STX11: variants seen among roughly 807,000 people sequenced by gnomAD.
The protein encoded by STX11 is syntaxin 11.
STX11 carries 21 observed loss-of-function variants against 19.9 expected under a neutral mutation model. The observed-to-expected ratio is 1.06, with a 90% CI of 0.75 to 1.52. The LOEUF is 1.52. Ranked by LOEUF, STX11 falls within the 40% of genes most tolerant of loss-of-function variation. The pLI is 0.00. For synonymous variants in STX11, 193 were observed against 174.4 expected (o/e 1.11, Z -0.84); for missense variants, 438 against 405.9 (o/e 1.08, Z -0.68).
Position 144,187,526 on chromosome 6 carries a change from C to G in STX11, c.*35C>G. The G allele has an allele frequency of 6.2e-7, 1 of 1,611,454 alleles. No individual in the cohort carries two copies. On this transcript the variant is annotated 3_prime_UTR_variant, in exon 2 of 2. Transcript: ENST00000367568. This position sits in a 1 kb window ranked among gnomAD's most constrained non-coding sequence, Gnocchi z 5.6. ...CCGGGCCGCCACCGCCCATCCCAGACCATGGAGCGCGCTGGGAAGGACGCA... is the reference window on the plus strand; with the variant it reads ...CCGGGCCGCCACCGCCCATCCCAGAGCATGGAGCGCGCTGGGAAGGACGCA...
At position 144,187,477 on chromosome 6, in the gene STX11, C is replaced by G; in HGVS notation, c.850C>G (p.Pro284Ala). The G allele has an allele frequency of 6.2e-7, 1 of 1,612,570 alleles. No homozygotes were observed. The highest frequency in any genetic ancestry group is 1.7e-5 in the Admixed American group (1 of 60,032). The change falls in exon 2 of 2, where the codon CCC becomes GCC. Residue 284 changes from proline (P) to alanine (A), a missense_variant. Physicochemically the swap from Pro to Ala is conservative, Grantham distance 27. Transcript: ENST00000367568. This position sits in a 1 kb window ranked among gnomAD's most constrained non-coding sequence, Gnocchi z 5.6. Reference sequence around the variant, plus strand: ...CCGGACCCTCTGCTGCTTCTGCTGTCCCTGCCTCAAGTAGCAGGCCGGCCC... The same window carrying G: ...CCGGACCCTCTGCTGCTTCTGCTGTGCCTGCCTCAAGTAGCAGGCCGGCCC... ...PCRTLCCFCC[P>A]CLK is the part of the protein sequence containing the mutation.
At position 144,169,704 on chromosome 6, in the gene STX11, C is replaced by T. The variant is rs1263603893; in HGVS notation, c.-5-16919C>T. On this transcript the variant is annotated intron_variant, in intron 1 of 1. Coordinates refer to ENST00000367568, the MANE Select transcript of STX11 (RefSeq NM_003764.4). This position sits in a 1 kb window ranked among gnomAD's most constrained non-coding sequence, Gnocchi z 5.2. ...TCCTTCCTTCTTTCTTTCCTTCCTA[C>T]CTATGAGGTCTTGCTCTGTCACCCA... is the stretch of plus-strand genomic sequence containing the variant. 7.1e-6 allele frequency among the ~76,000 whole-genome samples: 1 copy of T among 140,372 alleles called. No homozygotes were observed. The highest frequency in any genetic ancestry group is 2.5e-4 in the East Asian group (1 of 3,960). 92.1% of individuals were successfully genotyped at this position (140,372 alleles called of 152,430 possible).
At position 144,165,252 on chromosome 6, in the gene STX11, T is replaced by C. The variant is rs536008122; in HGVS notation, c.-6+14549T>C. ...GGCAGATCACCTGAGGTTGGGAGTT[T>C]GAGACCAACCTGACCAACATGGAGA... On this transcript the variant is annotated intron_variant, in intron 1 of 1. Coordinates refer to ENST00000367568, the MANE Select transcript of STX11 (RefSeq NM_003764.4). The surrounding 1 kb of genome is among the most constrained non-coding windows in gnomAD (Gnocchi z 5.8). 1.9e-3 allele frequency among the ~76,000 whole-genome samples: 291 copies of C among 152,026 alleles called. No individual in the cohort carries two copies. Among genetic ancestry groups the C allele is most frequent in the African/African-American group, 6.8e-3 (284 of 41,524 alleles).
chr6:144,141,583 T>C, the STX11 span, among the ~76,000 whole-genome samples: 3 of 152,338 alleles, frequency 2.0e-5, no homozygotes, highest in South Asian at 6.2e-4. Flanking sequence ...TACCTTAAGT[T>C]CATATTGCCC....
chr6:144,161,928 A>G (rs992011874), intron 1 of STX11, among the ~76,000 whole-genome samples: 13 of 152,112 alleles, frequency 8.5e-5, no homozygotes, highest in African/African-American at 1.2e-4. Flanking sequence ...CTTTATAGAA[A>G]AAGATCTTCT....
rs11965297 is a variant in STX11 at position 144,152,609 on chromosome 6, G to C, written c.-6+1906G>C. Among the ~76,000 whole-genome samples the C allele has an allele frequency of 6.6e-6, 1 of 152,126 alleles. No individual in the cohort carries two copies. Among genetic ancestry groups the C allele is most frequent in the Non-Finnish European group, 1.5e-5 (1 of 68,012 alleles). On this transcript the variant is annotated intron_variant, in intron 1 of 1. Transcript: ENST00000367568. This position sits in a 1 kb window ranked among gnomAD's most constrained non-coding sequence, Gnocchi z 4.9. ...TTAACAGCATGACTTTTAGGAAATG[G>C]TGTGACTAATTAATAGGTTGTTTTG...
At chr6:144,150,467 C>T, upstream of STX11, 1 of 981,094 alleles carries the variant, frequency 1.0e-6, no homozygotes. Flanking sequence ...GGGGCCTGGT[C>T]CCCAGCTGTG....
Position 144,162,281 on chromosome 6 carries a change from T to G in STX11, c.-6+11578T>G, listed in dbSNP as rs1370294388. ...TTAGAAATTTATTTGATGGTGTAAC[T>G]TCGGTTGCTTCTTGGACTTCTCCAT... On this transcript the variant is annotated intron_variant, in intron 1 of 1. Transcript: ENST00000367568. The surrounding 1 kb of genome is among the most constrained non-coding windows in gnomAD (Gnocchi z 4.6). Among the ~76,000 whole-genome samples the G allele has an allele frequency of 6.6e-6, 1 of 152,232 alleles. No individual in the cohort carries two copies. Among genetic ancestry groups the G allele is most frequent in the Non-Finnish European group, 1.5e-5 (1 of 68,034 alleles).
In STX11 at chr6:144,187,033, A is replaced by T. The variant is rs768684835; in HGVS notation, c.406A>T (p.Thr136Ser). The T allele has an allele frequency of 1.2e-6, 2 of 1,612,618 alleles. No individual in the cohort carries two copies. Among genetic ancestry groups the T allele is most frequent in the Non-Finnish European group, 1.7e-6 (2 of 1,179,918 alleles). ...TTCGCGGGCGCAGTACAACGCGCTC[A>T]CCCTCACCTTCCAGCGCGCCATGCA... ...RISRAQYNAL[T>S]LTFQRAMHDY... Residue 136 changes from threonine to serine, a missense_variant, in exon 2 of 2, where the codon ACC becomes TCC. Physicochemically the swap from Thr to Ser is moderately conservative, Grantham distance 58. Coordinates refer to ENST00000367568, the MANE Select transcript of STX11 (RefSeq NM_003764.4). The surrounding 1 kb of genome is among the most constrained non-coding windows in gnomAD (Gnocchi z 5.6).
Position 144,186,637 on chromosome 6 carries a change from C to G in STX11, c.10C>G (p.Arg4Gly). ...TCTACTTGCAGGCAAAATGAAAGAC[C>G]GGCTAGCAGAACTTCTGGACTTGTC... Reference protein sequence around the residue: MKDRLAELLDLSKQ... With the variant: MKDGLAELLDLSKQ... Residue 4 changes from arginine to glycine, a missense_variant, in exon 2 of 2, where the codon CGG (arginine) becomes GGG (glycine). Physicochemically the swap from Arg to Gly is moderately radical, Grantham distance 125. Transcript: ENST00000367568. 3 of 1,614,038 alleles carry G rather than the reference C, an allele frequency of 1.9e-6. No homozygotes were observed. The highest frequency in any genetic ancestry group is 2.5e-6 in the Non-Finnish European group (3 of 1,180,034).
At chr6:144,158,219 C>T (rs1801228161) in intron 1 of STX11, among the ~76,000 whole-genome samples, 1 of 152,194 alleles carries the variant, frequency 6.6e-6, no homozygotes, top group African/African-American at 2.4e-5. Flanking sequence ...AACCGTGGGA[C>T]AGCAGAGGAG....
Position 144,180,295 on chromosome 6 carries a change from C to T in STX11, c.-5-6328C>T, listed in dbSNP as rs1241385357. On this transcript the variant is annotated intron_variant, in intron 1 of 1. Coordinates refer to ENST00000367568, the MANE Select transcript of STX11 (RefSeq NM_003764.4). The surrounding 1 kb of genome is among the most constrained non-coding windows in gnomAD (Gnocchi z 5.3). ...TCACTTTAAATAATTCCCTTAGAGG[C>T]ATGTTGGGAACAATGACTTTCACAA... Among the ~76,000 whole-genome samples, 1 of 152,280 alleles carries T rather than the reference C, an allele frequency of 6.6e-6. No individual in the cohort carries two copies. Among genetic ancestry groups the T allele is most frequent in the South Asian group, 2.1e-4 (1 of 4,830 alleles).
In STX11 at chr6:144,162,317, G is replaced by A. The variant is rs1443137412; in HGVS notation, c.-6+11614G>A. Among the ~76,000 whole-genome samples, 1 of 152,120 alleles carries A rather than the reference G, an allele frequency of 6.6e-6. No homozygotes were observed. Among genetic ancestry groups the A allele is most frequent in the Non-Finnish European group, 1.5e-5 (1 of 68,018 alleles). On this transcript the variant is annotated intron_variant, in intron 1 of 1. Coordinates refer to ENST00000367568, the MANE Select transcript of STX11 (RefSeq NM_003764.4). The surrounding 1 kb of genome is among the most constrained non-coding windows in gnomAD (Gnocchi z 4.6). ...CTTGGACTTCTCCATTGTTCACTGA[G>A]GATTTAACTTTCTTAAATCTACTAG...
chr6:144,157,992 C>CA (rs60368775), intron 1 of STX11, among the ~76,000 whole-genome samples: 4,782 of 142,228 alleles, frequency 0.034, 252 homozygotes, highest in African/African-American at 0.11. Flanking sequence ...AGGGGAAAAA[C>CA]AAAAAAAAAA....
In STX11 at chr6:144,165,458, A is replaced by C. The variant is rs1801454435; in HGVS notation, c.-6+14755A>C. Among the ~76,000 whole-genome samples the C allele has an allele frequency of 6.6e-6, 1 of 151,876 alleles. No individual in the cohort carries two copies. The highest frequency in any genetic ancestry group is 2.4e-5 in the African/African-American group (1 of 41,338). On this transcript the variant is annotated intron_variant, in intron 1 of 1. Coordinates refer to ENST00000367568, the MANE Select transcript of STX11 (RefSeq NM_003764.4). The surrounding 1 kb of genome is among the most constrained non-coding windows in gnomAD (Gnocchi z 5.8). ...CAACAAGAACGAAACTCTGTCTCAA[A>C]AAAAAAAAGAAAAACAAAAAAGAAA...
In STX11 at chr6:144,159,087, G is replaced by A. The variant is rs908605091; in HGVS notation, c.-6+8384G>A. ...CTAACAGCCTGTAAGAGCAAGAACAGTCTTTTTCATTTTTGTGTATGAGAG... is the reference window on the plus strand; with the variant it reads ...CTAACAGCCTGTAAGAGCAAGAACAATCTTTTTCATTTTTGTGTATGAGAG... On this transcript the variant is annotated intron_variant, in intron 1 of 1. Transcript: ENST00000367568. This position sits in a 1 kb window ranked among gnomAD's most constrained non-coding sequence, Gnocchi z 4.3. Among the ~76,000 whole-genome samples, 5 of 152,186 alleles carry A rather than the reference G, an allele frequency of 3.3e-5. No homozygotes were observed. The highest frequency in any genetic ancestry group is 3.4e-3 in the Middle Eastern group (1 of 294).
chr6:144,151,148 G>A lies in STX11; in HGVS notation c.-6+445G>A, dbSNP rs1426003206. 1.3e-6 allele frequency: 1 copy of A among 761,378 alleles called. No individual in the cohort carries two copies. Among genetic ancestry groups the A allele is most frequent in the Non-Finnish European group, 1.6e-6 (1 of 625,710 alleles). 47.2% of individuals were successfully genotyped at this position (761,378 alleles called of 1,614,324 possible). Reference sequence around the variant, plus strand: ...ATGGGTACTTCTTGACTTGAACTTGGCGGTGTCACTCAGTAGCCAGGAAAG... The same window carrying A: ...ATGGGTACTTCTTGACTTGAACTTGACGGTGTCACTCAGTAGCCAGGAAAG... On this transcript the variant is annotated intron_variant, in intron 1 of 1. Coordinates refer to ENST00000367568, the MANE Select transcript of STX11 (RefSeq NM_003764.4). This position sits in a 1 kb window ranked among gnomAD's most constrained non-coding sequence, Gnocchi z 4.6.
At chr6:144,149,038 A>G (rs1360480152), upstream of STX11, among the ~76,000 whole-genome samples, 1 of 152,222 alleles carries the variant, frequency 6.6e-6, no homozygotes, top group Non-Finnish European at 1.5e-5. The surrounding 1 kb of genome is among the most constrained non-coding windows in gnomAD (Gnocchi z 5.1). Flanking sequence ...CCACACATGT[A>G]ATATGCCACA....
Position 144,188,508 on chromosome 6 carries a change from T to C in STX11, c.*1017T>C, listed in dbSNP as rs536088227. 9 of 221,938 alleles carry C rather than the reference T, an allele frequency of 4.1e-5. No homozygotes were observed. Among genetic ancestry groups the C allele is most frequent in the Admixed American group, 3.0e-4 (5 of 16,904 alleles). The allele number at this position is 221,938 out of a possible 1,614,324, so 13.7% of individuals were successfully genotyped here. On this transcript the variant is annotated 3_prime_UTR_variant, in exon 2 of 2. Transcript: ENST00000367568. Reference sequence around the variant, plus strand: ...GCGGTAGACATATGGCGGTAGAAAATGTATACGGAGCTAGAGACAACTAAC... The same window carrying C: ...GCGGTAGACATATGGCGGTAGAAAACGTATACGGAGCTAGAGACAACTAAC...
Sources: gnomAD v4.1 joint callset for allele counts (sites outside exome capture counted in the v4.1 genomes callset) on GRCh38, gnomAD v4.1.1 for gene constraint, Gnocchi (gnomAD v3.1) non-coding constraint, MANE v1.5 for transcripts, NCBI Gene and HGNC (gene_info 2026-07-23, HGNC 2026-07-21) for gene names.